The following SCHIP1 variants were observed in gnomAD, a reference collection of about 807,000 sequenced individuals.
The protein encoded by SCHIP1 is schwannomin-interacting protein 1.
A neutral mutation model predicts 29.7 loss-of-function variants in SCHIP1; 8 were observed. That is an observed-to-expected ratio of 0.27 (90% CI 0.16 to 0.49). The LOEUF (loss-of-function observed/expected upper bound fraction) is 0.49, where lower values mean the gene tolerates loss of function less well. Among genes scored for constraint, SCHIP1 ranks in the 20% least tolerant of loss-of-function variants. The pLI is 0.99. For synonymous variants in SCHIP1, 76 were observed against 94.9 expected (o/e 0.80, Z 1.16); for missense variants, 193 against 294.6 (o/e 0.66, Z 2.52).
the SCHIP1 span, among the ~76,000 whole-genome samples, chr3:159,463,756 A>G: frequency 6.6e-6 from 1 of 151,974 alleles, no homozygotes; most frequent in Non-Finnish European, 1.5e-5. Flanking sequence ...ATATATATAT[A>G]TAAGATAGAC....
At chr3:159,570,677 T>C in the SCHIP1 span, among the ~76,000 whole-genome samples, 1 of 152,230 alleles carries the variant, frequency 6.6e-6, no homozygotes, top group Non-Finnish European at 1.5e-5. Flanking sequence ...TCCAATTCTG[T>C]GAAGAAAGTC....
At chr3:159,690,899 T>C in the SCHIP1 span, among the ~76,000 whole-genome samples, 4 of 152,198 alleles carry the variant, frequency 2.6e-5, no homozygotes, top group Non-Finnish European at 5.9e-5. Flanking sequence ...CATTTAGTTG[T>C]GCAGTTTTGT....
the SCHIP1 span, among the ~76,000 whole-genome samples, chr3:159,445,250 T>A: frequency 6.6e-6 from 1 of 152,060 alleles, no homozygotes; most frequent in Admixed American, 6.6e-5. Context: ...AGAAGACATT[T>A]AGGCAGCCAA....
At chr3:159,365,031 T>G in the SCHIP1 span, among the ~76,000 whole-genome samples, 1 of 152,098 alleles carries the variant, frequency 6.6e-6, no homozygotes, top group East Asian at 1.9e-4. Flanking sequence ...ACACACTAGC[T>G]CTTAAATCTG....
the SCHIP1 span, among the ~76,000 whole-genome samples, chr3:159,522,642 G>A: frequency 5.9e-5 from 9 of 152,086 alleles, no homozygotes; most frequent in Non-Finnish European, 1.0e-4. Flanking sequence ...AGGCGGAGGC[G>A]GGCAGATCAC....
chr3:159,326,048 C>A, the SCHIP1 span, among the ~76,000 whole-genome samples: 5 of 152,016 alleles, frequency 3.3e-5, no homozygotes, highest in African/African-American at 1.2e-4. Context: ...ATCATAGTAA[C>A]CTTATTGGTT....
the SCHIP1 span, among the ~76,000 whole-genome samples, chr3:159,510,385 G>C: frequency 6.6e-6 from 1 of 152,046 alleles, no homozygotes; most frequent in Non-Finnish European, 1.5e-5. Flanking sequence ...TTTTTTCAAG[G>C]TTTTTAACTT....
At chr3:159,502,265 T>A in the SCHIP1 span, among the ~76,000 whole-genome samples, 1 of 152,178 alleles carries the variant, frequency 6.6e-6, no homozygotes, top group African/African-American at 2.4e-5. Flanking sequence ...AGGCTTTAGT[T>A]TGATCGTAAT....
At chr3:159,325,971 A>G in the SCHIP1 span, among the ~76,000 whole-genome samples, 1 of 152,142 alleles carries the variant, frequency 6.6e-6, no homozygotes, top group African/African-American at 2.4e-5. Flanking sequence ...GACAGACAAC[A>G]TGATTGGACA....
the SCHIP1 span, among the ~76,000 whole-genome samples, chr3:159,491,415 G>C: frequency 6.6e-6 from 1 of 152,194 alleles, no homozygotes; most frequent in Non-Finnish European, 1.5e-5. Context: ...CTAATACTGC[G>C]CTTTTCCAAC....
At chr3:159,454,375 T>G in the SCHIP1 span, among the ~76,000 whole-genome samples, 9 of 152,138 alleles carry the variant, frequency 5.9e-5, no homozygotes, top group East Asian at 9.7e-4. Flanking sequence ...TCACCTGCAT[T>G]GGGTGTGGTG....
At chr3:159,359,036 C>T in the SCHIP1 span, among the ~76,000 whole-genome samples, 2 of 149,380 alleles carry the variant, frequency 1.3e-5, no homozygotes, top group African/African-American at 5.0e-5. Context: ...CAAGCGATTC[C>T]CTTGCCTCAG....
At chr3:159,538,853 G>C in the SCHIP1 span, among the ~76,000 whole-genome samples, 1 of 152,026 alleles carries the variant, frequency 6.6e-6, no homozygotes, top group African/African-American at 2.4e-5. Flanking sequence ...ATGGCTTATT[G>C]GATGCTTCAT....
At chr3:159,656,069 G>T in the SCHIP1 span, among the ~76,000 whole-genome samples, 1 of 152,158 alleles carries the variant, frequency 6.6e-6, no homozygotes, top group Non-Finnish European at 1.5e-5. Flanking sequence ...TGGCTGTTCA[G>T]GGAAGAACAG....
chr3:159,850,551 A>G (rs1422155887), intron 1 of SCHIP1, among the ~76,000 whole-genome samples: 3 of 151,694 alleles, frequency 2.0e-5, no homozygotes, highest in South Asian at 4.2e-4. Flanking sequence ...TCAAAAAAAA[A>G]AAAAAAAAAA....
the SCHIP1 span, among the ~76,000 whole-genome samples, chr3:159,687,078 C>A: frequency 1.3e-5 from 2 of 152,088 alleles, no homozygotes; most frequent in African/African-American, 2.4e-5. Flanking sequence ...TAGTCCTTGC[C>A]TGTACTTCTA....
the SCHIP1 span, among the ~76,000 whole-genome samples, chr3:159,556,320 G>T: frequency 7.9e-3 from 1,202 of 152,110 alleles, 14 homozygotes; most frequent in African/African-American, 0.028. Context: ...ACTGTTAGTG[G>T]GACTGTAAAC....
the SCHIP1 span, among the ~76,000 whole-genome samples, chr3:159,816,254 G>A: frequency 2.0e-5 from 3 of 151,756 alleles, no homozygotes; most frequent in African/African-American, 7.3e-5. Flanking sequence ...GCCTGCCTCT[G>A]GTCCTTTTTT....
chr3:159,350,106 G>A, the SCHIP1 span, among the ~76,000 whole-genome samples: 375 of 152,202 alleles, frequency 2.5e-3, 2 homozygotes, highest in Non-Finnish European at 4.4e-3. Context: ...CTCAATAGCT[G>A]ATATTTATTA....
Sources: gnomAD v4.1 joint callset for allele counts (sites outside exome capture counted in the v4.1 genomes callset) on GRCh38, gnomAD v4.1.1 for gene constraint, MANE v1.5 for transcripts, NCBI Gene and HGNC (gene_info 2026-07-23, HGNC 2026-07-21) for gene names.